PFKP: variants seen among roughly 807,000 people sequenced by gnomAD.
The protein encoded by PFKP is ATP-dependent 6-phosphofructokinase, platelet type.
In PFKP, 101 loss-of-function variants were observed where a neutral mutation model predicts 94.3. The observed-to-expected ratio is 1.07, with a 90% CI of 0.91 to 1.26. The LOEUF (loss-of-function observed/expected upper bound fraction) is 1.26, where lower values mean the gene tolerates loss of function less well. Among genes scored for constraint, PFKP ranks in the 50% most tolerant of loss-of-function variants. The pLI is 0.00. For synonymous variants in PFKP, 573 were observed against 432.6 expected (o/e 1.32, Z -4.03); for missense variants, 1,145 against 1,103.3 (o/e 1.04, Z -0.53).
intron 4 of PFKP, among the ~76,000 whole-genome samples, chr10:3,102,996 C>G (rs1168647589): frequency 6.6e-6 from 1 of 152,208 alleles, no homozygotes; most frequent in African/African-American, 2.4e-5. Context: ...TTCCGATTCC[C>G]TTTATGCAGA....
At position 3,104,597 on chromosome 10, in the gene PFKP, C is replaced by T. The variant is rs145344671; in HGVS notation, c.621-518C>T. On this transcript the variant is annotated intron_variant, in intron 5 of 21. Coordinates refer to ENST00000381125, the MANE Select transcript of PFKP (RefSeq NM_002627.5). ...TCACTGGACATTCTCAGTGCGTGGG[C>T]GTGAACCCCACAGTTGGTGGAAAAT... The T allele has an allele frequency of 2.7e-3, 550 of 206,998 alleles. 4 individuals carry two copies. The highest frequency in any genetic ancestry group is 0.012 in the South Asian group (150 of 12,068). 12.8% of individuals were successfully genotyped at this position (206,998 alleles called of 1,614,324 possible).
intron 16 of PFKP, 44 bp from the exon 17 acceptor site, chr10:3,129,775 C>A (rs368112527): frequency 2.5e-6 from 4 of 1,605,188 alleles, no homozygotes; most frequent in East Asian, 2.2e-5. Context: ...GGTGGGCGCG[C>A]CCCGGGCCTG....
At chr10:3,092,274 TAAAC>T (rs1281095530) in intron 2 of PFKP, among the ~76,000 whole-genome samples, 3 of 152,180 alleles carry the variant, frequency 2.0e-5, no homozygotes, top group Non-Finnish European at 4.4e-5. Context: ...ACTATACCAA[TAAAC>T]AAACCATTAA....
At chr10:3,074,633 G>C (rs953494189) in intron 1 of PFKP, among the ~76,000 whole-genome samples, 3 of 152,184 alleles carry the variant, frequency 2.0e-5, no homozygotes, top group African/African-American at 7.2e-5. Flanking sequence ...AGTGTGTCAG[G>C]GCTTGGGGTG....
Position 3,113,520 on chromosome 10 carries a change from T to TG in PFKP, c.1371+3dup. On this transcript the variant is annotated splice_region_variant and intron_variant, in intron 13 of 21. Transcript: ENST00000381125. ...TTTGACGGCTTCGCCAAGGGCCAGG[T>TG]GAGTCACCCAGGATGCCGTAGGCAG... 1 of 1,611,864 alleles carries TG rather than the reference T, an allele frequency of 6.2e-7. No individual in the cohort carries two copies. Among genetic ancestry groups the TG allele is most frequent in the Non-Finnish European group, 8.5e-7 (1 of 1,179,836 alleles).
intron 1 of PFKP, among the ~76,000 whole-genome samples, chr10:3,080,039 T>G (rs1832927898): frequency 1.3e-5 from 2 of 149,036 alleles, no homozygotes; most frequent in South Asian, 2.1e-4. Flanking sequence ...CGAGGAGGAG[T>G]TGGAGGAGGA....
chr10:3,118,345 G>A (rs1040848630), intron 14 of PFKP, among the ~76,000 whole-genome samples: 1 of 152,098 alleles, frequency 6.6e-6, no homozygotes, highest in Non-Finnish European at 1.5e-5. Flanking sequence ...GCGGGCGCCT[G>A]TAGTCCCAGC....
chr10:3,104,033 A>G (rs1371766276), intron 5 of PFKP, 89 bp downstream of exon 5: 2 of 1,222,850 alleles, frequency 1.6e-6, no homozygotes, highest in East Asian at 5.1e-5. Context: ...AACATTCTGC[A>G]GATTGGGTGT....
Position 3,129,981 on chromosome 10 carries a change from C to A in PFKP, c.1846C>A (p.Gln616Lys), listed in dbSNP as rs777700463. Residue 616 changes from glutamine to lysine, a missense_variant and splice_region_variant, in exon 17 of 22, where the codon CAG (glutamine) becomes AAG (lysine). This residue lies in a region of PFKP where 1,119 missense variants were observed against 1,062.8 expected (regional missense o/e 1.05). Coordinates refer to ENST00000381125, the MANE Select transcript of PFKP (RefSeq NM_002627.5). Reference sequence around the variant, plus strand: ...AGAGCCCTTCGACATCAGGGATCTGCAGGTATGTGACGGGGCTGGCCTCAG... The same window carrying A: ...AGAGCCCTTCGACATCAGGGATCTGAAGGTATGTGACGGGGCTGGCCTCAG... ...FEEPFDIRDL[Q>K]SNVEHLTEKM... 2 of 1,573,736 alleles carry A rather than the reference C, an allele frequency of 1.3e-6. No individual in the cohort carries two copies. The highest frequency in any genetic ancestry group is 8.6e-7 in the Non-Finnish European group (1 of 1,157,108).
At chr10:3,119,418 C>T (rs1409613757) in intron 15 of PFKP, among the ~76,000 whole-genome samples, 6 of 150,898 alleles carry the variant, frequency 4.0e-5, no homozygotes, top group Non-Finnish European at 4.4e-5. Context: ...CCAGCCTGAC[C>T]AACATGGTGA....
At chr10:3,135,647 A>C in intron 20 of PFKP, 89 bp from the exon 21 acceptor site, 21 of 762,730 alleles carry the variant, frequency 2.8e-5, no homozygotes, top group Non-Finnish European at 3.6e-5. Context: ...GTTCTGAGGA[A>C]TCTCAGTTCT....
At chr10:3,109,156 A>C (rs535330631) in intron 9 of PFKP, among the ~76,000 whole-genome samples, 199 bp from the exon 10 acceptor site, 1 of 152,304 alleles carries the variant, frequency 6.6e-6, no homozygotes, top group South Asian at 2.1e-4. Flanking sequence ...CCTGCTCTCC[A>C]TGTGCCCTGA....
chr10:3,120,116 A>G, intron 16 of PFKP, 72 bp downstream of exon 16: 1 of 1,236,998 alleles, frequency 8.1e-7, no homozygotes, highest in Non-Finnish European at 1.2e-6. Flanking sequence ...CTTTTTATCT[A>G]CCAGTGCGCT....
chr10:3,077,748 G>A lies in PFKP; in HGVS notation c.113-4640G>A, dbSNP rs143872645. Among the ~76,000 whole-genome samples the A allele has an allele frequency of 3.5e-3, 539 of 152,258 alleles. 4 individuals are homozygous for A. The highest frequency in any genetic ancestry group is 0.011 in the African/African-American group (473 of 41,548). ...ATGACTCTGACTCAAGGAAGAAACC[G>A]TCCTGTGACTCTCTTACCTGCATTG... On this transcript the variant is annotated intron_variant, in intron 1 of 21. Transcript: ENST00000381125.
chr10:3,102,968 C>T (rs545202103), intron 4 of PFKP, among the ~76,000 whole-genome samples: 3 of 152,218 alleles, frequency 2.0e-5, no homozygotes, highest in Non-Finnish European at 4.4e-5. Flanking sequence ...CCCAAGCTTG[C>T]CCCTGGCCCT....
At chr10:3,084,525 G>C (rs1031667799) in intron 2 of PFKP, among the ~76,000 whole-genome samples, 1 of 152,078 alleles carries the variant, frequency 6.6e-6, no homozygotes, top group Non-Finnish European at 1.5e-5. Context: ...CAATTTTAAC[G>C]GAGGGTCTAG....
intron 13 of PFKP, among the ~76,000 whole-genome samples, chr10:3,115,653 G>C (rs1312205407): frequency 6.6e-6 from 1 of 152,216 alleles, no homozygotes; most frequent in East Asian, 1.9e-4. Context: ...AGCATCTTCA[G>C]GAGGGTTTGG....
intron 2 of PFKP, among the ~76,000 whole-genome samples, chr10:3,088,498 C>A (rs1833802935): frequency 6.6e-6 from 1 of 152,138 alleles, no homozygotes; most frequent in Admixed American, 6.5e-5. Flanking sequence ...CCCGGCTGAC[C>A]TGGAGCGCGT....
chr10:3,134,612 C>A (rs758232344), intron 20 of PFKP, 30 bp downstream of exon 20: 3 of 1,408,066 alleles, frequency 2.1e-6, no homozygotes, highest in East Asian at 4.6e-5. Flanking sequence ...AGGCCACAGC[C>A]TCGTGATGCA....
Sources: allele counts gnomAD v4.1 joint callset (sites outside exome capture counted in the v4.1 genomes callset), GRCh38; gene constraint gnomAD v4.1.1; regional missense constraint gnomAD v4.1.1; transcripts MANE v1.5; gene names NCBI Gene and HGNC (gene_info 2026-07-23, HGNC 2026-07-21).